The following NOL7 variants were observed in gnomAD, a reference collection of about 807,000 sequenced individuals.
NOL7 encodes the protein U3 small nucleolar RNA-associated protein NOL7.
A neutral mutation model predicts 38.4 loss-of-function variants in NOL7; 36 were observed. The observed-to-expected ratio is 0.94, with a 90% CI of 0.72 to 1.24. NOL7 has a LOEUF of 1.24. Among genes scored for constraint, NOL7 ranks in the 50% most tolerant of loss-of-function variants. NOL7 has a pLI of 0.00. For synonymous variants in NOL7, 142 were observed against 126.5 expected, an observed-to-expected ratio of 1.12 and a Z score of -0.82; for missense variants, 350 against 315.1, an observed-to-expected ratio of 1.11 and a Z score of -0.84.
chr6:13,627,267 C>G (rs1764634271), intron 8 of NOL7, among the ~76,000 whole-genome samples: 1 of 152,122 alleles, frequency 6.6e-6, no homozygotes, highest in Non-Finnish European at 1.5e-5. Context: ...TAACCCAACC[C>G]ACACTTCCCA....
In NOL7 at chr6:13,615,370, C is replaced by G. The variant is rs775772699; in HGVS notation, c.12C>G (p.Leu4=). MVQ[L]RPRASRAPAS... ...GCGCTGCGTGGGCCATGGTGCAGCT[C>G]CGACCGCGAGCGTCTCGCGCCCCGG... The change falls in exon 1 of 8, where the codon CTC becomes CTG. Residue 4 remains leucine, a synonymous_variant. Transcript: ENST00000451315. 76 of 1,509,774 alleles carry G rather than the reference C, an allele frequency of 5.0e-5. No homozygotes were observed. Among genetic ancestry groups the G allele is most frequent in the Non-Finnish European group, 6.4e-5 (72 of 1,131,852 alleles). 93.5% of individuals were successfully genotyped at this position (1,509,774 alleles called of 1,614,324 possible).
Position 13,615,626 on chromosome 6 carries a change from T to A in NOL7, c.266+2T>A. 14 of 1,603,730 alleles carry A rather than the reference T, an allele frequency of 8.7e-6. No individual in the cohort carries two copies. Among genetic ancestry groups the A allele is most frequent in the Non-Finnish European group, 1.2e-5 (14 of 1,174,326 alleles). On this transcript the variant is annotated splice_donor_variant, in intron 1 of 7. Coordinates refer to ENST00000451315, the MANE Select transcript of NOL7 (RefSeq NM_016167.5). LOFTEE classifies it high-confidence loss of function. ...GCGAGTGCGGGAGACCGTGCGCAGG[T>A]TCGGAGCCCGCTGCCCGGCGGGGAG...
At chr6:13,627,865 C>G (rs2127759506) in intron 8 of NOL7, among the ~76,000 whole-genome samples, 1 of 152,154 alleles carries the variant, frequency 6.6e-6, no homozygotes, top group East Asian at 1.9e-4. Flanking sequence ...ATGTCGCACT[C>G]CCAAATCTTA....
intron 8 of NOL7, among the ~76,000 whole-genome samples, chr6:13,627,584 CA>C (rs1428532241): frequency 7.0e-6 from 1 of 142,080 alleles, no homozygotes; most frequent in East Asian, 2.1e-4. Context: ...GAGCCAAGAT[CA>C]CGCCACTGCA....
chr6:13,625,775 C>A (rs1250533362), downstream of NOL7: 1 of 1,551,888 alleles, frequency 6.4e-7, no homozygotes, highest in Non-Finnish European at 8.9e-7. Context: ...CTGTTGAAAA[C>A]ACATCGATTT....
At chr6:13,618,883 CCT>C (rs985041117) in intron 5 of NOL7, among the ~76,000 whole-genome samples, 2 of 151,700 alleles carry the variant, frequency 1.3e-5, no homozygotes, top group African/African-American at 4.8e-5. Flanking sequence ...AGAGTGAGAC[CCT>C]GTCTCAAAAA....
At chr6:13,617,248 C>G (rs1000702650) in intron 3 of NOL7, among the ~76,000 whole-genome samples, 3 of 151,258 alleles carry the variant, frequency 2.0e-5, no homozygotes, top group Non-Finnish European at 2.9e-5. Flanking sequence ...CTCATTTGCC[C>G]CCCCCCACCT....
intron 7 of NOL7, 75 bp downstream of exon 7, chr6:13,620,560 A>C: frequency 7.1e-7 from 1 of 1,418,138 alleles, no homozygotes; most frequent in Non-Finnish European, 9.9e-7. Flanking sequence ...GAGATAGTTC[A>C]TAATTATACT....
At chr6:13,618,167 T>C in intron 5 of NOL7, 28 bp downstream of exon 5, 1 of 1,161,540 alleles carries the variant, frequency 8.6e-7, no homozygotes, top group Non-Finnish European at 1.3e-6. Context: ...TCATTTGGGA[T>C]GTAAAGGAGA....
chr6:13,631,750 G>A (rs188145593), intron 8 of NOL7, among the ~76,000 whole-genome samples: 2 of 152,234 alleles, frequency 1.3e-5, no homozygotes, highest in Admixed American at 1.3e-4. Context: ...CTTAAGTTAG[G>A]AGAAAGCCCC....
chr6:13,629,755 A>G (rs976020701), intron 8 of NOL7, among the ~76,000 whole-genome samples: 1 of 152,234 alleles, frequency 6.6e-6, no homozygotes, highest in Non-Finnish European at 1.5e-5. Context: ...TGGAAGACGT[A>G]GGCAGATAAG....
At chr6:13,625,565 T>G, downstream of NOL7, 2 of 795,860 alleles carry the variant, frequency 2.5e-6, no homozygotes, top group South Asian at 4.1e-5. Flanking sequence ...CCTGATGATT[T>G]TACCAAAGTG....
At position 13,620,848 on chromosome 6, in the gene NOL7, CTGTACTT is replaced by C; in HGVS notation, c.*26_*32del. On this transcript the variant is annotated 3_prime_UTR_variant, in exon 8 of 8. Coordinates refer to ENST00000451315, the MANE Select transcript of NOL7 (RefSeq NM_016167.5). ...AGTAAATCAATGCTAAATGAAGAATCTGTACTTTGTATGTATAGAATTTATCTAATAA... is the reference window on the plus strand; with the variant it reads ...AGTAAATCAATGCTAAATGAAGAATCTGTATGTATAGAATTTATCTAATAA... The C allele has an allele frequency of 3.5e-6, 5 of 1,420,454 alleles. No homozygotes were observed. Among genetic ancestry groups the C allele is most frequent in the Non-Finnish European group, 4.9e-6 (5 of 1,022,286 alleles). 88.0% of individuals were successfully genotyped at this position (1,420,454 alleles called of 1,614,324 possible). A position where few individuals can be genotyped will look rare whatever the true frequency, so the allele number is the denominator to read the frequency against.
intron 4 of NOL7, 94 bp downstream of exon 4, chr6:13,617,895 G>C: frequency 3.1e-6 from 4 of 1,295,884 alleles, no homozygotes; most frequent in African/African-American, 1.5e-5. Flanking sequence ...TAGAAAGCCA[G>C]CATGGGCCTG....
intron 8 of NOL7, among the ~76,000 whole-genome samples, chr6:13,629,889 GTC>G (rs936034680): frequency 3.2e-4 from 45 of 140,088 alleles, no homozygotes; most frequent in Admixed American, 6.6e-4. Context: ...TCTCTCTCAT[GTC>G]TCTGTCTCTC....
intron 3 of NOL7, among the ~76,000 whole-genome samples, chr6:13,616,947 G>T (rs1764308868): frequency 6.6e-6 from 1 of 152,104 alleles, no homozygotes; most frequent in South Asian, 2.1e-4. Context: ...AGCATCTTTG[G>T]TGTTTTATGG....
chr6:13,627,525 G>A (rs980139191), intron 8 of NOL7, among the ~76,000 whole-genome samples: 24 of 150,904 alleles, frequency 1.6e-4, no homozygotes, highest in South Asian at 6.3e-4. Flanking sequence ...AGCTACTCGG[G>A]AGGCTGAGGC....
downstream of NOL7, chr6:13,625,661 G>A (rs2127758269): frequency 6.2e-7 from 1 of 1,602,628 alleles, no homozygotes; most frequent in East Asian, 2.2e-5. Flanking sequence ...ACCTAATATT[G>A]CACTGTTAAG....
At chr6:13,616,663 G>A in intron 3 of NOL7, 142 bp downstream of exon 3, 1 of 589,832 alleles carries the variant, frequency 1.7e-6, no homozygotes. Context: ...AATTTGATGG[G>A]AAAGACGGAG....
Sources: gnomAD v4.1 joint callset for allele counts (sites outside exome capture counted in the v4.1 genomes callset) on GRCh38, gnomAD v4.1.1 for gene constraint, MANE v1.5 for transcripts, NCBI Gene and HGNC (gene_info 2026-07-23, HGNC 2026-07-21) for gene names.